PCDHGA11: variants seen among roughly 807,000 people sequenced by gnomAD.
PCDHGA11 encodes the protein protocadherin gamma-A11.
In PCDHGA11, 39 loss-of-function variants were observed where a neutral mutation model predicts 60.4. That is an observed-to-expected ratio of 0.65 (90% CI 0.50 to 0.84). The LOEUF (loss-of-function observed/expected upper bound fraction) is 0.84, where lower values mean the gene tolerates loss of function less well. PCDHGA11 is among the 40% of genes least tolerant of loss of function. The pLI is 0.00. For synonymous variants in PCDHGA11, 533 were observed against 510.3 expected, an observed-to-expected ratio of 1.04 and a Z score of -0.60; for missense variants, 1,165 against 1,197.7, an observed-to-expected ratio of 0.97 and a Z score of 0.40.
chr5:141,457,937 G>A (rs916509260), intron 1 of PCDHGA11, among the ~76,000 whole-genome samples: 1 of 152,166 alleles, frequency 6.6e-6, no homozygotes, highest in African/African-American at 2.4e-5. Flanking sequence ...GGCTTTTATT[G>A]GCTCTGCATG....
chr5:141,472,770 G>C (rs953423129), intron 1 of PCDHGA11, among the ~76,000 whole-genome samples: 5 of 152,046 alleles, frequency 3.3e-5, no homozygotes, highest in Admixed American at 6.6e-5. Flanking sequence ...CAGATCACCT[G>C]AGGTTGGGAG....
chr5:141,441,280 G>A (rs2098237221), intron 1 of PCDHGA11: 1 of 152,090 alleles, frequency 6.6e-6, no homozygotes, highest in East Asian at 1.9e-4. Flanking sequence ...GGGAGAAAAC[G>A]AGGTCACATG....
At chr5:141,427,146 AAT>A (rs1561826638) in intron 1 of PCDHGA11, 1 of 456,990 alleles carries the variant, frequency 2.2e-6, no homozygotes, top group Non-Finnish European at 4.4e-6. Context: ...TGATATTGGA[AAT>A]ATGTTTGTGC....
In PCDHGA11 at chr5:141,485,068, T is replaced by C; in HGVS notation, c.2434-9739T>C. On this transcript the variant is annotated intron_variant, in intron 1 of 3. Transcript: ENST00000398587. The surrounding 1 kb of genome is among the most constrained non-coding windows in gnomAD (Gnocchi z 5.7). ...GGCGCCGGCCGAACCGCGCCAGAGCTGGCGCGGGGAAAGGGAGATAGGTGT... is the reference window on the plus strand; with the variant it reads ...GGCGCCGGCCGAACCGCGCCAGAGCCGGCGCGGGGAAAGGGAGATAGGTGT... 1 of 896,972 alleles carries C rather than the reference T, an allele frequency of 1.1e-6. No homozygotes were observed. The highest frequency in any genetic ancestry group is 1.6e-5 in the South Asian group (1 of 61,812). The allele number at this position is 896,972 out of a possible 1,614,324, so 55.6% of individuals were successfully genotyped here. A position where few individuals can be genotyped will look rare whatever the true frequency, so the allele number is the denominator to read the frequency against.
At position 141,432,552 on chromosome 5, in the gene PCDHGA11, C is replaced by G. The variant is rs1181931321; in HGVS notation, c.2433+8892C>G. ...AAGGTGGTGGCGGTGGACAGAGACT[C>G]CGGCCAGAACGCCTGGCTGTCCTAC... On this transcript the variant is annotated intron_variant, in intron 1 of 3. Coordinates refer to ENST00000398587, the MANE Select transcript of PCDHGA11 (RefSeq NM_018914.3). The surrounding 1 kb of genome is among the most constrained non-coding windows in gnomAD (Gnocchi z 6.0). The G allele has an allele frequency of 6.2e-7, 1 of 1,613,970 alleles. No homozygotes were observed. The highest frequency in any genetic ancestry group is 1.1e-5 in the South Asian group (1 of 91,064).
chr5:141,455,283 C>G (rs1225185590), intron 1 of PCDHGA11, among the ~76,000 whole-genome samples: 1 of 152,000 alleles, frequency 6.6e-6, no homozygotes, highest in East Asian at 1.9e-4. Context: ...ATTAACATCA[C>G]TTTACATAGT....
In PCDHGA11 at chr5:141,493,164, T is replaced by C. The variant is rs558860783; in HGVS notation, c.2434-1643T>C. Among the ~76,000 whole-genome samples the C allele has an allele frequency of 4.6e-5, 7 of 152,340 alleles. 1 individual carries two copies. The South Asian group carries it at 1.2e-3, about 27-fold the overall frequency. On this transcript the variant is annotated intron_variant, in intron 1 of 3. Coordinates refer to ENST00000398587, the MANE Select transcript of PCDHGA11 (RefSeq NM_018914.3). The surrounding 1 kb of genome is among the most constrained non-coding windows in gnomAD (Gnocchi z 4.3). Reference sequence around the variant, plus strand: ...ACCCCCAGGTGATTTTGATAGCTGATTGAGAGAAACTTACTATATAACTCC... The same window carrying C: ...ACCCCCAGGTGATTTTGATAGCTGACTGAGAGAAACTTACTATATAACTCC...
chr5:141,478,420 C>A, intron 1 of PCDHGA11: 1 of 1,613,676 alleles, frequency 6.2e-7, no homozygotes, highest in Non-Finnish European at 8.5e-7. Context: ...ACTCCCGCCG[C>A]AGCGACCCGC....
chr5:141,441,195 A>C (rs1160365905), intron 1 of PCDHGA11: 1 of 152,224 alleles, frequency 6.6e-6, no homozygotes, highest in Non-Finnish European at 1.5e-5. Context: ...TGATTCCCAA[A>C]GATTCTGCAC....
At chr5:141,423,838 T>G in intron 1 of PCDHGA11, 178 bp downstream of exon 1, 1 of 1,279,552 alleles carries the variant, frequency 7.8e-7, no homozygotes, top group South Asian at 3.5e-5. Context: ...GAGATTACGA[T>G]AATCTTTCAG....
intron 3 of PCDHGA11, among the ~76,000 whole-genome samples, chr5:141,507,893 G>C (rs750472786): frequency 2.2e-4 from 33 of 152,356 alleles, no homozygotes; most frequent in Non-Finnish European, 4.1e-4. Context: ...AGAGGTTCCT[G>C]AAGTCCAGCC....
chr5:141,473,299 G>T (rs182316672), intron 1 of PCDHGA11, among the ~76,000 whole-genome samples: 5 of 152,228 alleles, frequency 3.3e-5, no homozygotes, highest in Admixed American at 1.3e-4. Flanking sequence ...GTAGCATAAA[G>T]ATTGCTATAT....
chr5:141,438,619 TATATATATATATATATACAC>T (rs1310378007), intron 1 of PCDHGA11, among the ~76,000 whole-genome samples: 16 of 39,678 alleles, frequency 4.0e-4, no homozygotes, highest in African/African-American at 1.2e-3. Flanking sequence ...TATATATATA[TATATATATATATATATACAC>T]ACACACACAC....
chr5:141,505,911 A>C (rs2099849083), intron 3 of PCDHGA11, among the ~76,000 whole-genome samples: 1 of 152,154 alleles, frequency 6.6e-6, no homozygotes, highest in South Asian at 2.1e-4. Flanking sequence ...CAAAGCATAG[A>C]GTTCTGGGCC....
intron 2 of PCDHGA11, among the ~76,000 whole-genome samples, chr5:141,495,645 C>T (rs2099762719): frequency 6.6e-6 from 1 of 152,208 alleles, no homozygotes; most frequent in South Asian, 2.1e-4. Context: ...CATTTGTCTA[C>T]TTGCATTGAT....
Position 141,486,344 on chromosome 5 carries a change from G to C in PCDHGA11, c.2434-8463G>C. 6.2e-7 allele frequency: 1 copy of C among 1,614,062 alleles called. No homozygotes were observed. The highest frequency in any genetic ancestry group is 8.5e-7 in the Non-Finnish European group (1 of 1,180,022). On this transcript the variant is annotated intron_variant, in intron 1 of 3. Transcript: ENST00000398587. The surrounding 1 kb of genome is among the most constrained non-coding windows in gnomAD (Gnocchi z 5.0). Reference sequence around the variant, plus strand: ...CGGAGATGTGAGCCTCCGCATTCCTGACCACTTGCCATTTGCCCTCAAGTC... The same window carrying C: ...CGGAGATGTGAGCCTCCGCATTCCTCACCACTTGCCATTTGCCCTCAAGTC...
chr5:141,436,087 T>C (rs927404291), intron 1 of PCDHGA11, among the ~76,000 whole-genome samples: 1 of 152,198 alleles, frequency 6.6e-6, no homozygotes, highest in Non-Finnish European at 1.5e-5. Flanking sequence ...CTATAGGTAA[T>C]ATTGAGAGAA....
rs1427052612 is a variant in PCDHGA11 at position 141,493,002 on chromosome 5, A to G, written c.2434-1805A>G. Among the ~76,000 whole-genome samples, 4 of 152,246 alleles carry G rather than the reference A, an allele frequency of 2.6e-5. No individual in the cohort carries two copies. The highest frequency in any genetic ancestry group is 2.1e-4 in the South Asian group (1 of 4,832). On this transcript the variant is annotated intron_variant, in intron 1 of 3. Transcript: ENST00000398587. This position sits in a 1 kb window ranked among gnomAD's most constrained non-coding sequence, Gnocchi z 4.3. ...TCTCCTCTGGCAGATGGAAAGCTAT[A>G]GGCTCTGCCAGATGCCAGGGTGCCC... is the stretch of plus-strand genomic sequence containing the variant.
intron 1 of PCDHGA11, among the ~76,000 whole-genome samples, chr5:141,483,646 GTT>G (rs2099584256): frequency 6.8e-6 from 1 of 146,706 alleles, no homozygotes; most frequent in Admixed American, 6.7e-5. Flanking sequence ...AGGGGTGTGT[GTT>G]TGTGTGTGTG....
Sources: gnomAD v4.1 joint callset for allele counts (sites outside exome capture counted in the v4.1 genomes callset) on GRCh38, gnomAD v4.1.1 for gene constraint, Gnocchi (gnomAD v3.1) non-coding constraint, MANE v1.5 for transcripts, NCBI Gene and HGNC (gene_info 2026-07-23, HGNC 2026-07-21) for gene names.